The following SMIM21 variants were observed in gnomAD, a reference collection of about 807,000 sequenced individuals.
The protein encoded by SMIM21 is small integral membrane protein 21.
Under a neutral mutation model 8.6 loss-of-function variants are expected in SMIM21, and 8 were observed. The observed-to-expected ratio is 0.93, with a 90% CI of 0.55 to 1.68. The LOEUF is 1.68. Among genes scored for constraint, SMIM21 ranks in the 40% most tolerant of loss-of-function variants. The pLI is 0.00. For synonymous variants in SMIM21, 43 were observed against 41.7 expected (o/e 1.03, Z -0.12); for missense variants, 132 against 123.0 (o/e 1.07, Z -0.35).
Position 75,427,429 on chromosome 18 carries a change from A to G in SMIM21, c.129+6T>C. The G allele has an allele frequency of 1.2e-6, 2 of 1,613,210 alleles. No individual in the cohort carries two copies. Among genetic ancestry groups the G allele is most frequent in the South Asian group, 2.2e-5 (2 of 90,892 alleles). ...ATAACCCAAAGTTAAAGACCCATAA[A>G]CTCACTGTGGTAAGTGCTTTCTTCT... On this transcript the variant is annotated splice_donor_region_variant and intron_variant, in intron 1 of 2. Transcript: ENST00000579022.
chr18:75,414,240 A>T (rs918845673), intron 2 of SMIM21, among the ~76,000 whole-genome samples: 7 of 152,028 alleles, frequency 4.6e-5, no homozygotes, highest in African/African-American at 9.7e-5. Flanking sequence ...ATAAAAATAA[A>T]TTTTTTTTGT....
chr18:75,426,766 GT>G (rs1204075970), intron 1 of SMIM21, among the ~76,000 whole-genome samples: 1 of 151,274 alleles, frequency 6.6e-6, no homozygotes, highest in African/African-American at 2.4e-5. Flanking sequence ...CCTCTTCACA[GT>G]CAGAAACACT....
Position 75,427,666 on chromosome 18 carries a change from C to T in SMIM21, c.-103G>A. On this transcript the variant is annotated 5_prime_UTR_variant, in exon 1 of 3. Coordinates refer to ENST00000579022, the MANE Select transcript of SMIM21 (RefSeq NM_001037331.3). ...ACCTGGTAACTAAGTTCCCAAGGAG[C>T]TTTTCTCTTCTTTGCCAACCTTGAA... 8.0e-7 allele frequency: 1 copy of T among 1,253,550 alleles called. No homozygotes were observed. Among genetic ancestry groups the T allele is most frequent in the Non-Finnish European group, 1.1e-6 (1 of 948,292 alleles). The allele number at this position is 1,253,550 out of a possible 1,614,324, so 77.7% of individuals were successfully genotyped here. A position where few individuals can be genotyped will look rare whatever the true frequency, so the allele number is the denominator to read the frequency against.
chr18:75,413,097 C>A (rs551399114), intron 2 of SMIM21, among the ~76,000 whole-genome samples: 1 of 152,096 alleles, frequency 6.6e-6, no homozygotes, highest in East Asian at 1.9e-4. Flanking sequence ...AGGCTCCAGG[C>A]CTCCACGCTG....
chr18:75,421,306 A>T (rs773719066), intron 1 of SMIM21, among the ~76,000 whole-genome samples: 5 of 152,188 alleles, frequency 3.3e-5, no homozygotes, highest in Non-Finnish European at 5.9e-5. Flanking sequence ...ATTTTTAAGA[A>T]AGGAGGTTTT....
intron 1 of SMIM21, 152 bp downstream of exon 1, chr18:75,427,283 C>T (rs1235770531): frequency 3.3e-6 from 3 of 908,892 alleles, no homozygotes; most frequent in Non-Finnish European, 4.8e-6. Flanking sequence ...AGAAAGAGCT[C>T]TGGATTGACG....
intron 1 of SMIM21, among the ~76,000 whole-genome samples, chr18:75,420,666 A>G (rs1445939991): frequency 1.3e-5 from 2 of 152,200 alleles, no homozygotes; most frequent in African/African-American, 2.4e-5. Flanking sequence ...TCACTGGAGC[A>G]TTGGGTCTCA....
chr18:75,425,380 G>GA (rs1002134890), intron 1 of SMIM21, among the ~76,000 whole-genome samples: 34 of 151,064 alleles, frequency 2.3e-4, no homozygotes, highest in African/African-American at 7.5e-4. Context: ...CTGGCCAAAA[G>GA]AAAAAAAAAG....
intron 1 of SMIM21, among the ~76,000 whole-genome samples, chr18:75,421,696 G>A (rs1164379195): frequency 1.3e-5 from 2 of 152,196 alleles, no homozygotes; most frequent in Non-Finnish European, 2.9e-5. Flanking sequence ...AAGGCTGCAG[G>A]CCTGTAGGAG....
chr18:75,410,651 C>T lies in SMIM21; in HGVS notation c.*213G>A, dbSNP rs1473149319. ...ATCTGCAGCTCTCCTCCGGAATATT[C>T]CTGAACAGAAAAAGGAAGAGTGCCC... On this transcript the variant is annotated 3_prime_UTR_variant, in exon 3 of 3. Coordinates refer to ENST00000579022, the MANE Select transcript of SMIM21 (RefSeq NM_001037331.3). 2 of 1,336,586 alleles carry T rather than the reference C, an allele frequency of 1.5e-6. No individual in the cohort carries two copies. Among genetic ancestry groups the T allele is most frequent in the Non-Finnish European group, 1.9e-6 (2 of 1,030,266 alleles). 82.8% of individuals were successfully genotyped at this position (1,336,586 alleles called of 1,614,324 possible).
At chr18:75,415,590 C>T (rs1178805234) in intron 2 of SMIM21, among the ~76,000 whole-genome samples, 3 of 152,326 alleles carry the variant, frequency 2.0e-5, no homozygotes, top group East Asian at 1.9e-4. Context: ...ACAAAACAAA[C>T]GTCCTTACTC....
At chr18:75,411,606 T>G (rs1043189330) in intron 2 of SMIM21, among the ~76,000 whole-genome samples, 2 of 152,350 alleles carry the variant, frequency 1.3e-5, no homozygotes, top group East Asian at 3.9e-4. Flanking sequence ...ACTGACATTG[T>G]GGGTGACATC....
Position 75,410,893 on chromosome 18 carries a change from A to T in SMIM21, c.277T>A (p.Ser93Thr). Reference sequence around the variant, plus strand: ...TCTGCTTCTGCTGTGTTCCTGGATGACTTCAAACGTAGAAAGCTGCAAGAG... The same window carrying T: ...TCTGCTTCTGCTGTGTTCCTGGATGTCTTCAAACGTAGAAAGCTGCAAGAG... ...SIFRNFLRLK[S>T]SRNTAEAE Residue 93 changes from serine to threonine, a missense_variant, in exon 3 of 3, where the codon TCA becomes ACA. By Grantham distance (58) the Ser-to-Thr change is moderately conservative. Transcript: ENST00000579022. 6.2e-7 allele frequency: 1 copy of T among 1,614,166 alleles called. No homozygotes were observed. Among genetic ancestry groups the T allele is most frequent in the Non-Finnish European group, 8.5e-7 (1 of 1,180,030 alleles).
intron 1 of SMIM21, among the ~76,000 whole-genome samples, chr18:75,427,022 A>C (rs1048652976): frequency 4.6e-5 from 7 of 152,182 alleles, no homozygotes; most frequent in African/African-American, 1.7e-4. Flanking sequence ...ACTTTCTTCT[A>C]GGAGTGCAGT....
At chr18:75,420,837 G>A (rs777533440) in intron 1 of SMIM21, among the ~76,000 whole-genome samples, 1 of 152,146 alleles carries the variant, frequency 6.6e-6, no homozygotes, top group Non-Finnish European at 1.5e-5. Flanking sequence ...TCCAGTTTTA[G>A]GATCCTCGGG....
intron 2 of SMIM21, among the ~76,000 whole-genome samples, chr18:75,418,357 C>A (rs1203179215): frequency 6.6e-6 from 1 of 152,114 alleles, no homozygotes; most frequent in Non-Finnish European, 1.5e-5. Context: ...GATTTCTTGG[C>A]CTTCTTCCCA....
chr18:75,424,019 G>A (rs118045675), intron 1 of SMIM21, among the ~76,000 whole-genome samples: 4,446 of 145,420 alleles, frequency 0.031, 126 homozygotes, highest in South Asian at 0.15. Context: ...ACTGTTCGTT[G>A]CAATGCATTG....
At chr18:75,427,350 T>C in intron 1 of SMIM21, 85 bp downstream of exon 1, 1 of 1,407,862 alleles carries the variant, frequency 7.1e-7, no homozygotes, top group Non-Finnish European at 9.5e-7. Flanking sequence ...CACAGGAGAT[T>C]GGGGCAAAAG....
At chr18:75,411,283 T>A (rs2024581625) in intron 2 of SMIM21, among the ~76,000 whole-genome samples, 1 of 152,226 alleles carries the variant, frequency 6.6e-6, no homozygotes, top group Non-Finnish European at 1.5e-5. Flanking sequence ...TTTCTGAACC[T>A]TTTCAAAAAG....
Sources: allele counts gnomAD v4.1 joint callset (sites outside exome capture counted in the v4.1 genomes callset), GRCh38; gene constraint gnomAD v4.1.1; transcripts MANE v1.5; gene names NCBI Gene and HGNC (gene_info 2026-07-23, HGNC 2026-07-21).